The following CSMD1 variants were observed in gnomAD, a reference collection of about 807,000 sequenced individuals.
The protein encoded by CSMD1 is CUB and sushi domain-containing protein 1.
A neutral mutation model predicts 417.5 loss-of-function variants in CSMD1; 213 were observed. That is an observed-to-expected ratio of 0.51 (90% CI 0.46 to 0.57). The LOEUF (loss-of-function observed/expected upper bound fraction) is 0.57, where lower values mean the gene tolerates loss of function less well. Ranked by LOEUF, CSMD1 falls within the 20% of genes least tolerant of loss-of-function variation. The probability of loss-of-function intolerance (pLI) is 0.00; values close to 1 mark genes in which losing one functional copy is unlikely to be tolerated. For missense variants in CSMD1, 6,923 were observed against 4,529.7 expected, an observed-to-expected ratio of 1.53 and a Z score of -15.17; for synonymous variants, 2,862 against 1,736.8, an observed-to-expected ratio of 1.65 and a Z score of -16.11.
chr8:3,910,383 G>A (rs1025756649), intron 5 of CSMD1, among the ~76,000 whole-genome samples: 1 of 152,294 alleles, frequency 6.6e-6, no homozygotes, highest in Non-Finnish European at 1.5e-5. Flanking sequence ...ACCAGGAAGA[G>A]ACTCTGAAGA....
intron 3 of CSMD1, among the ~76,000 whole-genome samples, chr8:4,065,079 T>C (rs1408160784): frequency 6.6e-6 from 1 of 152,234 alleles, no homozygotes; most frequent in Non-Finnish European, 1.5e-5. Context: ...TTTTACCGAA[T>C]ATAAAAATTG....
At chr8:3,613,688 T>C (rs1036627633) in intron 8 of CSMD1, among the ~76,000 whole-genome samples, 1 of 141,030 alleles carries the variant, frequency 7.1e-6, no homozygotes, top group African/African-American at 2.6e-5. Context: ...AATTCCAAAT[T>C]CATGTCAGAT....
chr8:4,698,779 T>A (rs1183845731), intron 1 of CSMD1, among the ~76,000 whole-genome samples: 1 of 151,514 alleles, frequency 6.6e-6, no homozygotes, highest in Non-Finnish European at 1.5e-5. Context: ...TTCCACCATA[T>A]AAAAACAATT....
chr8:3,728,275 G>C (rs1172474263), intron 6 of CSMD1, among the ~76,000 whole-genome samples: 2 of 152,118 alleles, frequency 1.3e-5, no homozygotes, highest in Non-Finnish European at 2.9e-5. Context: ...CCGCCACCAT[G>C]TAAGACATCC....
chr8:3,343,190 A>C, intron 23 of CSMD1, 104 bp downstream of exon 23: 46 of 900,020 alleles, frequency 5.1e-5, no homozygotes, highest in Non-Finnish European at 6.9e-5. Context: ...AAAACACAGT[A>C]GGCAGCCAGA....
chr8:3,745,877 T>C (rs573376359), intron 6 of CSMD1, among the ~76,000 whole-genome samples: 3 of 152,162 alleles, frequency 2.0e-5, no homozygotes, highest in African/African-American at 7.2e-5. Flanking sequence ...ATGTAGGTAA[T>C]TGCCTGGGGA....
chr8:3,335,211 TG>T (rs1426735431), intron 23 of CSMD1, among the ~76,000 whole-genome samples: 1 of 152,140 alleles, frequency 6.6e-6, no homozygotes. Flanking sequence ...CAGCCTCTAA[TG>T]GTTCCTTTTG....
chr8:4,223,712 T>C (rs181425804), intron 3 of CSMD1, among the ~76,000 whole-genome samples: 1 of 152,242 alleles, frequency 6.6e-6, no homozygotes, highest in African/African-American at 2.4e-5. Flanking sequence ...ATTTTTTTGT[T>C]ATCTGAAAAA....
intron 1 of CSMD1, among the ~76,000 whole-genome samples, chr8:4,807,103 T>C (rs982688216): frequency 2.6e-5 from 4 of 152,166 alleles, no homozygotes; most frequent in African/African-American, 9.7e-5. Context: ...GACTAATACA[T>C]TCTCATAGAA....
At chr8:4,147,541 A>G (rs1209835262) in intron 3 of CSMD1, among the ~76,000 whole-genome samples, 1 of 152,122 alleles carries the variant, frequency 6.6e-6, no homozygotes, top group Non-Finnish European at 1.5e-5. Flanking sequence ...TAGGCATTTT[A>G]ATTAGTCATG....
chr8:3,304,230 A>C (rs932295369), intron 25 of CSMD1, among the ~76,000 whole-genome samples: 1 of 152,144 alleles, frequency 6.6e-6, no homozygotes, highest in South Asian at 2.1e-4. Context: ...CCCTGTGTTC[A>C]TATTTATATG....
intron 1 of CSMD1, among the ~76,000 whole-genome samples, chr8:4,942,463 T>A (rs1045276969): frequency 6.6e-6 from 1 of 152,192 alleles, no homozygotes; most frequent in Non-Finnish European, 1.5e-5. Context: ...CAAAGACAGT[T>A]TTCACATTTT....
rs552011195 is a variant in CSMD1, at chr8:3,670,111, T to A, written c.1009+38303A>T. On this transcript the variant is annotated intron_variant, in intron 7 of 69. Coordinates refer to ENST00000635120, the MANE Select transcript of CSMD1 (RefSeq NM_033225.6). ...TGGATTAAAGGATGCAAAGTGTTGA[T>A]CCTGGGTGTGTCTCTGAGGGTGATG... is the stretch of plus-strand genomic sequence containing the variant. Among the ~76,000 whole-genome samples the A allele has an allele frequency of 2.0e-5, 3 of 152,220 alleles. No individual in the cohort carries two copies. In the East Asian group the frequency reaches 5.8e-4, roughly 29 times the overall value.
chr8:4,086,002 A>G (rs1361265192), intron 3 of CSMD1, among the ~76,000 whole-genome samples: 1 of 152,230 alleles, frequency 6.6e-6, no homozygotes, highest in East Asian at 1.9e-4. Context: ...TAAAAGAAGG[A>G]GCAAGGACTA....
At chr8:4,365,834 T>A (rs1476823873) in intron 3 of CSMD1, among the ~76,000 whole-genome samples, 1 of 152,240 alleles carries the variant, frequency 6.6e-6, no homozygotes, top group African/African-American at 2.4e-5. Flanking sequence ...CTTTTCTAGA[T>A]TCCACCAAGG....
At chr8:3,766,197 A>G (rs1798259321) in intron 5 of CSMD1, among the ~76,000 whole-genome samples, 1 of 152,190 alleles carries the variant, frequency 6.6e-6, no homozygotes. Context: ...CAGAGGAATG[A>G]GGCCAGCACA....
chr8:3,883,939 C>G (rs867967004), intron 5 of CSMD1, among the ~76,000 whole-genome samples: 1 of 152,038 alleles, frequency 6.6e-6, no homozygotes, highest in Non-Finnish European at 1.5e-5. Context: ...TAGGCATACG[C>G]TTTTAAACAT....
At chr8:4,032,382 G>A (rs567468132) in intron 3 of CSMD1, among the ~76,000 whole-genome samples, 2 of 152,242 alleles carry the variant, frequency 1.3e-5, no homozygotes, top group South Asian at 2.1e-4. Context: ...ATAATGTCTG[G>A]ATTATATTTT....
chr8:4,234,285 T>C (rs1454176148), intron 3 of CSMD1, among the ~76,000 whole-genome samples: 1 of 152,178 alleles, frequency 6.6e-6, no homozygotes, highest in African/African-American at 2.4e-5. Flanking sequence ...AAGTGATCTA[T>C]GGGACCCATC....
Sources: gnomAD v4.1 joint callset for allele counts (sites outside exome capture counted in the v4.1 genomes callset) on GRCh38, gnomAD v4.1.1 for gene constraint, MANE v1.5 for transcripts, NCBI Gene and HGNC (gene_info 2026-07-23, HGNC 2026-07-21) for gene names.